Variants in FARP1 observed in about 807,000 individuals in gnomAD.
The protein encoded by FARP1 is FERM, ARHGEF and pleckstrin domain-containing protein 1.
Under a neutral mutation model 128.8 loss-of-function variants are expected in FARP1, and 52 were observed. The ratio of observed to expected loss-of-function variants is 0.40; its 90% CI spans 0.32 to 0.51. The LOEUF (loss-of-function observed/expected upper bound fraction) is 0.51, where lower values mean the gene tolerates loss of function less well. Ranked by LOEUF, FARP1 falls within the 20% of genes least tolerant of loss-of-function variation. FARP1 has a pLI of 0.45. For synonymous variants in FARP1, 580 were observed against 551.8 expected, an observed-to-expected ratio of 1.05 and a Z score of -0.72; for missense variants, 1,333 against 1,367.9, an observed-to-expected ratio of 0.97 and a Z score of 0.40.
intron 2 of FARP1, chr13:98,338,663 A>G (rs1222679140): frequency 6.6e-6 from 1 of 152,236 alleles, no homozygotes; most frequent in African/African-American, 2.4e-5. Context: ...TTTTCGTTGT[A>G]TACTCAGAAG....
intron 5 of FARP1, among the ~76,000 whole-genome samples, chr13:98,375,488 G>A (rs1184673602): frequency 1.3e-5 from 2 of 152,166 alleles, no homozygotes; most frequent in Admixed American, 1.3e-4. Flanking sequence ...CCTCTGGCCA[G>A]GCAGGTTACA....
intron 2 of FARP1, among the ~76,000 whole-genome samples, chr13:98,252,610 G>T (rs1883397624): frequency 6.6e-6 from 1 of 152,180 alleles, no homozygotes; most frequent in African/African-American, 2.4e-5. Context: ...CTCACAGGCT[G>T]CTGTAGAATG....
intron 2 of FARP1, among the ~76,000 whole-genome samples, chr13:98,247,034 C>G (rs1200435214): frequency 6.6e-6 from 1 of 152,210 alleles, no homozygotes; most frequent in Non-Finnish European, 1.5e-5. Flanking sequence ...AAGACCCAGC[C>G]TGGCCAACAT....
intron 2 of FARP1, among the ~76,000 whole-genome samples, chr13:98,319,756 T>G (rs545879357): frequency 6.6e-6 from 1 of 152,238 alleles, no homozygotes; most frequent in African/African-American, 2.4e-5. Context: ...CTCAAATAAC[T>G]TGGTATAATC....
At chr13:98,353,425 C>G (rs1451495655) in intron 3 of FARP1, among the ~76,000 whole-genome samples, 1 of 152,192 alleles carries the variant, frequency 6.6e-6, no homozygotes, top group Non-Finnish European at 1.5e-5. Flanking sequence ...GTTGCCCAGG[C>G]TGGAGTGGAA....
Position 98,390,099 on chromosome 13 carries a change from G to A in FARP1, c.998G>A (p.Arg333Gln), listed in dbSNP as rs745849055. 1.1e-5 allele frequency: 17 copies of A among 1,613,614 alleles called. No individual in the cohort carries two copies. The East Asian group carries it at 1.1e-4, about 11-fold the overall frequency. The change falls in exon 10 of 27, where the codon CGG becomes CAG. Residue 333 changes from arginine (R) to glutamine (Q), a missense_variant. Arg to Gln is a conservative substitution (Grantham distance 43, BLOSUM62 1). Coordinates refer to ENST00000319562, the MANE Select transcript of FARP1 (RefSeq NM_005766.4). ...KPKPKPVLFS[R>Q]GSSFRFSGRT... ...AAGCCCAAGCCCGTCCTCTTTAGCC[G>A]GGGGTCATCATTTCGGTTCAGGTGA...
intron 13 of FARP1, chr13:98,402,402 T>C (rs367912127): frequency 5.9e-5 from 9 of 152,296 alleles, no homozygotes; most frequent in African/African-American, 2.2e-4. Context: ...AGGGAGTGAG[T>C]CTGCTTTATT....
At chr13:98,310,676 T>C (rs1284696778) in intron 2 of FARP1, among the ~76,000 whole-genome samples, 1 of 152,008 alleles carries the variant, frequency 6.6e-6, no homozygotes, top group Non-Finnish European at 1.5e-5. Context: ...GTTGTGTGAC[T>C]GGTGGTGGTG....
chr13:98,152,511 A>G lies in FARP1; in HGVS notation c.-24+9019A>G, dbSNP rs150983920. On this transcript the variant is annotated intron_variant, in intron 1 of 26. Coordinates refer to ENST00000319562, the MANE Select transcript of FARP1 (RefSeq NM_005766.4). ...AGCAGGCAAGAGGGTGACAGAGCTG[A>G]AAGTGGAACCAGAGTCCATAAATGC... Among the ~76,000 whole-genome samples, 17 of 152,314 alleles carry G rather than the reference A, an allele frequency of 1.1e-4. No individual in the cohort carries two copies. In the East Asian group the frequency reaches 3.1e-3, roughly 28 times the overall value.
intron 13 of FARP1, chr13:98,401,555 G>A (rs1389995534): frequency 6.6e-6 from 1 of 152,028 alleles, no homozygotes; most frequent in African/African-American, 2.4e-5. Context: ...GAGTAACCTA[G>A]AGAGAGATTT....
intron 10 of FARP1, 100 bp downstream of exon 10, chr13:98,390,220 C>T (rs1218675479): frequency 1.4e-5 from 18 of 1,301,784 alleles, no homozygotes; most frequent in Non-Finnish European, 1.8e-5. Flanking sequence ...GGTGAACGCT[C>T]ATTGGCCTCC....
intron 2 of FARP1, among the ~76,000 whole-genome samples, chr13:98,238,906 C>G (rs983078529): frequency 2.0e-5 from 3 of 152,234 alleles, no homozygotes; most frequent in Non-Finnish European, 4.4e-5. Flanking sequence ...TGTGCGCCAA[C>G]CCCCACATTG....
In FARP1 at chr13:98,453,181, A is replaced by C. The variant is rs759021740; in HGVS notation, c.*4864A>C. 1 of 1,613,754 alleles carries C rather than the reference A, an allele frequency of 6.2e-7. No homozygotes were observed. On this transcript the variant is annotated 3_prime_UTR_variant, in exon 27 of 27. Coordinates refer to ENST00000319562, the MANE Select transcript of FARP1 (RefSeq NM_005766.4). Reference sequence around the variant, plus strand: ...CAAATGCCAAAGGAATTTCAGTGGGATGAAGTTCCTCCACCACTTAGAGAG... The same window carrying C: ...CAAATGCCAAAGGAATTTCAGTGGGCTGAAGTTCCTCCACCACTTAGAGAG...
chr13:98,435,814 C>G (rs189850568), intron 19 of FARP1, 108 bp downstream of exon 19: 3 of 1,135,962 alleles, frequency 2.6e-6, no homozygotes, highest in Admixed American at 1.7e-5. Context: ...GCAAAATGTC[C>G]TCTTTCCATC....
Position 98,176,100 on chromosome 13 carries a change from C to A in FARP1, c.-24+32608C>A. 2 of 1,385,794 alleles carry A rather than the reference C, an allele frequency of 1.4e-6. No individual in the cohort carries two copies. Among genetic ancestry groups the A allele is most frequent in the South Asian group, 2.4e-5 (2 of 82,470 alleles). The allele number at this position is 1,385,794 out of a possible 1,614,324, so 85.8% of individuals were successfully genotyped here. ...AGGCATGGGATTGCAGGAAGACTGT[C>A]ATCTCTCTCATCTTACTCAACAGGC... On this transcript the variant is annotated intron_variant, in intron 1 of 26. Transcript: ENST00000319562. This position sits in a 1 kb window ranked among gnomAD's most constrained non-coding sequence, Gnocchi z 6.2.
chr13:98,193,806 G>A (rs76949523), intron 1 of FARP1, among the ~76,000 whole-genome samples: 2,068 of 152,326 alleles, frequency 0.014, 86 homozygotes, highest in East Asian at 0.13. Context: ...AAGACAGAAA[G>A]GAGATGATTG....
rs1283297979 is a variant in FARP1 at position 98,379,189 on chromosome 13, AATATATAATAT to A, written c.496+1286_496+1296del. Among the ~76,000 whole-genome samples the A allele has an allele frequency of 2.8e-4, 20 of 71,414 alleles. 3 individuals carry two copies. Among genetic ancestry groups the A allele is most frequent in the Non-Finnish European group, 4.0e-4 (17 of 41,976 alleles). The allele number at this position is 71,414 out of a possible 152,430, so 46.9% of individuals were successfully genotyped here. ...TATATAATCTATATATAATATATAT[AATATATAATAT>A]ATATATAATATATAATATATAATCT... On this transcript the variant is annotated intron_variant, in intron 6 of 26. Transcript: ENST00000319562.
At chr13:98,275,626 CTCTTTTT>C (rs1566822563) in intron 2 of FARP1, among the ~76,000 whole-genome samples, 2 of 140,512 alleles carry the variant, frequency 1.4e-5, no homozygotes, top group Admixed American at 7.2e-5. Flanking sequence ...TTCTCTTTCT[CTCTTTTT>C]TTTTTTTTTT....
intron 16 of FARP1, among the ~76,000 whole-genome samples, chr13:98,416,562 A>C (rs73551921): frequency 6.6e-6 from 1 of 152,226 alleles, no homozygotes; most frequent in African/African-American, 2.4e-5. Context: ...TGCTTTCTTC[A>C]AAAACAAGGA....
Sources: allele counts gnomAD v4.1 joint callset (sites outside exome capture counted in the v4.1 genomes callset), GRCh38; gene constraint gnomAD v4.1.1; non-coding constraint Gnocchi (gnomAD v3.1); transcripts MANE v1.5; gene names NCBI Gene and HGNC (gene_info 2026-07-23, HGNC 2026-07-21).